AGBL4: variants seen among roughly 807,000 people sequenced by gnomAD.
The protein encoded by AGBL4 is AGBL carboxypeptidase 4.
A neutral mutation model predicts 66.4 loss-of-function variants in AGBL4; 58 were observed. That is an observed-to-expected ratio of 0.87 (90% CI 0.71 to 1.09). AGBL4 has a LOEUF of 1.09. Ranked by LOEUF, AGBL4 falls within the 50% of genes least tolerant of loss-of-function variation. The pLI is 0.00. For missense variants in AGBL4, 579 were observed against 631.0 expected (o/e 0.92, Z 0.88); for synonymous variants, 234 against 222.9 (o/e 1.05, Z -0.44).
chr1:48,720,110 G>A (rs553562710), intron 6 of AGBL4, among the ~76,000 whole-genome samples: 3 of 152,282 alleles, frequency 2.0e-5, no homozygotes, highest in Non-Finnish European at 2.9e-5. Flanking sequence ...GGCTTCTAGG[G>A]AGAGGTCCAT....
chr1:48,915,171 TC>T (rs1369249638), intron 5 of AGBL4, among the ~76,000 whole-genome samples: 2 of 152,224 alleles, frequency 1.3e-5, no homozygotes, highest in Non-Finnish European at 2.9e-5. Context: ...TCTCTTCTAA[TC>T]CTCACATTCC....
At chr1:49,491,491 A>G (rs193258742) in intron 3 of AGBL4, among the ~76,000 whole-genome samples, 2 of 152,048 alleles carry the variant, frequency 1.3e-5, no homozygotes, top group African/African-American at 2.4e-5. Context: ...TTGAAATGCC[A>G]CATTTGACCT....
At chr1:49,797,243 C>T (rs1436216651) in intron 2 of AGBL4, among the ~76,000 whole-genome samples, 1 of 152,108 alleles carries the variant, frequency 6.6e-6, no homozygotes, top group Non-Finnish European at 1.5e-5. Context: ...AATTAGCTTT[C>T]CATTAAAGTT....
At chr1:49,899,807 G>A (rs111477198) in intron 1 of AGBL4, among the ~76,000 whole-genome samples, 16 of 152,118 alleles carry the variant, frequency 1.1e-4, no homozygotes, top group Non-Finnish European at 1.8e-4. Flanking sequence ...TTGGGAGGCC[G>A]AGGCAAGCAG....
rs1392236147 is a variant in AGBL4 at position 48,901,650 on chromosome 1, A to C, written c.595-34420T>G. ...ATATTGTATAATTCCATTTTTATAA[A>C]ATTTTAGAAAATGCTGTATAATTCT... On this transcript the variant is annotated intron_variant, in intron 5 of 13. Transcript: ENST00000371839. Among the ~76,000 whole-genome samples, 3 of 152,214 alleles carry C rather than the reference A, an allele frequency of 2.0e-5. No homozygotes were observed. In the South Asian group the frequency reaches 6.2e-4, roughly 32 times the overall value.
At chr1:48,600,911 G>C (rs545155758) in intron 9 of AGBL4, among the ~76,000 whole-genome samples, 1 of 152,164 alleles carries the variant, frequency 6.6e-6, no homozygotes, top group Non-Finnish European at 1.5e-5. Context: ...AGAGATCCAG[G>C]AAGAGCCAGG....
intron 5 of AGBL4, among the ~76,000 whole-genome samples, chr1:48,920,613 G>A (rs1653998491): frequency 6.6e-6 from 1 of 152,122 alleles, no homozygotes; most frequent in South Asian, 2.1e-4. Flanking sequence ...GCCACTTCAT[G>A]GACAAGAAAA....
chr1:49,500,440 C>A (rs995920176), intron 3 of AGBL4, among the ~76,000 whole-genome samples: 5 of 142,256 alleles, frequency 3.5e-5, no homozygotes, highest in African/African-American at 5.1e-5. Flanking sequence ...GGTTTTTGTT[C>A]ATGAACTCTG....
At chr1:49,674,360 C>T (rs961422705) in intron 3 of AGBL4, among the ~76,000 whole-genome samples, 9 of 151,898 alleles carry the variant, frequency 5.9e-5, no homozygotes, top group Non-Finnish European at 5.9e-5. Flanking sequence ...AGCATGTATT[C>T]TTCATGACAC....
rs557824476 is a variant in AGBL4, at chr1:49,118,153, C to A, written c.378-72353G>T. Among the ~76,000 whole-genome samples, 3 of 152,270 alleles carry A rather than the reference C, an allele frequency of 2.0e-5. No individual in the cohort carries two copies. In the South Asian group the frequency reaches 6.2e-4, roughly 32 times the overall value. ...GGGTTTTCTAAATATATGATCATGT[C>A]ATCTGCAAACAGGGACAATTTGACT... is the stretch of plus-strand genomic sequence containing the variant. On this transcript the variant is annotated intron_variant, in intron 4 of 13. Transcript: ENST00000371839.
At chr1:48,742,536 C>A (rs541803145) in intron 6 of AGBL4, 5 of 1,297,060 alleles carry the variant, frequency 3.9e-6, no homozygotes, top group Non-Finnish European at 5.0e-6. Flanking sequence ...AGTCAAGCTG[C>A]GATTTGGAAA....
chr1:48,552,050 A>G (rs1011080542), intron 11 of AGBL4, among the ~76,000 whole-genome samples: 2 of 151,992 alleles, frequency 1.3e-5, no homozygotes, highest in African/African-American at 4.8e-5. Context: ...TTGTTCATTC[A>G]TTATTTATTT....
chr1:48,711,982 T>G (rs921075329), intron 6 of AGBL4, among the ~76,000 whole-genome samples: 11 of 152,180 alleles, frequency 7.2e-5, no homozygotes, highest in Non-Finnish European at 1.6e-4. Flanking sequence ...CATTTTGTTC[T>G]CCAACCTCCT....
intron 3 of AGBL4, among the ~76,000 whole-genome samples, chr1:49,477,216 A>C (rs1646864137): frequency 6.6e-6 from 1 of 152,086 alleles, no homozygotes; most frequent in South Asian, 2.1e-4. Context: ...GGCCTTGAGC[A>C]AACATAGGTG....
intron 5 of AGBL4, among the ~76,000 whole-genome samples, chr1:48,879,155 T>C (rs1468219098): frequency 6.6e-6 from 1 of 150,578 alleles, no homozygotes; most frequent in Non-Finnish European, 1.5e-5. Flanking sequence ...AAAAGCAAAA[T>C]GATACCTTTT....
At chr1:49,536,951 G>C (rs897524850) in intron 3 of AGBL4, among the ~76,000 whole-genome samples, 4 of 151,560 alleles carry the variant, frequency 2.6e-5, no homozygotes, top group African/African-American at 9.7e-5. Context: ...AAGTTGCAGT[G>C]AGCCAAGATC....
intron 3 of AGBL4, among the ~76,000 whole-genome samples, chr1:49,271,706 C>T (rs1644064417): frequency 1.3e-5 from 2 of 151,942 alleles, no homozygotes; most frequent in Admixed American, 1.3e-4. Flanking sequence ...ACTTTTATTC[C>T]TCCCTACCCC....
chr1:49,540,294 C>T lies in AGBL4; in HGVS notation c.282+157019G>A, dbSNP rs114813036. Among the ~76,000 whole-genome samples, 94 of 152,256 alleles carry T rather than the reference C, an allele frequency of 6.2e-4. 1 individual carries two copies. The highest frequency in any genetic ancestry group is 2.0e-3 in the African/African-American group (84 of 41,542). ...TATTCTTCCATGACTTTGTATATTACTTCCTCTGTCTAGATTGTCTTTTCT... is the reference window on the plus strand; with the variant it reads ...TATTCTTCCATGACTTTGTATATTATTTCCTCTGTCTAGATTGTCTTTTCT... On this transcript the variant is annotated intron_variant, in intron 3 of 13. Transcript: ENST00000371839.
At chr1:50,016,407 C>CA (rs1661990399) in intron 1 of AGBL4, among the ~76,000 whole-genome samples, 1 of 152,014 alleles carries the variant, frequency 6.6e-6, no homozygotes, top group African/African-American at 2.4e-5. Context: ...CTAAAAAACA[C>CA]AAAAATTAGC....
Sources: allele counts gnomAD v4.1 joint callset (sites outside exome capture counted in the v4.1 genomes callset), GRCh38; gene constraint gnomAD v4.1.1; transcripts MANE v1.5; gene names NCBI Gene and HGNC (gene_info 2026-07-23, HGNC 2026-07-21).